Variants in TRPV1 observed in about 807,000 individuals in gnomAD.
TRPV1 encodes the protein transient receptor potential cation channel subfamily V member 1, also known as OTRPC1.
TRPV1 carries 82 observed loss-of-function variants against 82.3 expected under a neutral mutation model. The observed-to-expected ratio is 1.00, with a 90% CI of 0.83 to 1.20. TRPV1 has a LOEUF of 1.20. Among genes scored for constraint, TRPV1 ranks in the 50% most tolerant of loss-of-function variants. The pLI, the probability that TRPV1 is intolerant of heterozygous loss-of-function variation, is 0.00. For missense variants in TRPV1, 1,067 were observed against 1,096.8 expected, an observed-to-expected ratio of 0.97 and a Z score of 0.38; for synonymous variants, 515 against 467.7, an observed-to-expected ratio of 1.10 and a Z score of -1.30.
At chr17:3,574,764 C>A (rs1052239719) in intron 13 of TRPV1, among the ~76,000 whole-genome samples, 1 of 151,968 alleles carries the variant, frequency 6.6e-6, no homozygotes, top group African/African-American at 2.4e-5. Context: ...GCCTGGCCAA[C>A]AGGGTGAAAC....
At chr17:3,584,150 A>G (rs1211034906) in intron 9 of TRPV1, among the ~76,000 whole-genome samples, 1 of 152,028 alleles carries the variant, frequency 6.6e-6, no homozygotes, top group Non-Finnish European at 1.5e-5. Flanking sequence ...CATGGCTGTA[A>G]TCCCAGCTAC....
In TRPV1 at chr17:3,566,341, A is replaced by G. The variant is rs2074762989; in HGVS notation, c.*474T>C. 1 of 152,510 alleles carries G rather than the reference A, an allele frequency of 6.6e-6. No homozygotes were observed. The highest frequency in any genetic ancestry group is 2.4e-5 in the African/African-American group (1 of 41,396). The allele number at this position is 152,510 out of a possible 1,614,324, so 9.4% of individuals were successfully genotyped here. On this transcript the variant is annotated 3_prime_UTR_variant, in exon 17 of 17. Coordinates refer to ENST00000572705, the MANE Select transcript of TRPV1 (RefSeq NM_080704.4). ...CCCCATATCTATTAAAAAAATACAA[A>G]AAATTAGCCAGACATGGTGGCACGT...
rs549778840 is a variant in TRPV1 at position 3,585,725 on chromosome 17, C to G, written c.1383+43G>C. ...CCGAAATGTCCACACCCCTTCCCCA[C>G]CACCCACACCCTCGCCCACGAGGCC... On this transcript the variant is annotated intron_variant, in intron 9 of 16. Transcript: ENST00000572705. 10 of 1,591,198 alleles carry G rather than the reference C, an allele frequency of 6.3e-6. No individual in the cohort carries two copies. In the South Asian group the frequency reaches 1.1e-4, roughly 18 times the overall value.
At chr17:3,605,058 A>G (rs1033063904) in intron 2 of TRPV1, among the ~76,000 whole-genome samples, 4 of 152,176 alleles carry the variant, frequency 2.6e-5, no homozygotes, top group Non-Finnish European at 5.9e-5. Context: ...CTTTAATGTA[A>G]ACACATTTAC....
At position 3,588,154 on chromosome 17, in the gene TRPV1, T is replaced by G. The variant is rs201020700; in HGVS notation, c.1224+34A>C. On this transcript the variant is annotated intron_variant, in intron 8 of 16. Coordinates refer to ENST00000572705, the MANE Select transcript of TRPV1 (RefSeq NM_080704.4). Reference sequence around the variant, plus strand: ...GATTGGGGCTTGGGTGCAGAGGCCCTGAGGCCCTCCCTGGCTGTGCCCCAG... The same window carrying G: ...GATTGGGGCTTGGGTGCAGAGGCCCGGAGGCCCTCCCTGGCTGTGCCCCAG... The G allele has an allele frequency of 1.0e-5, 16 of 1,541,520 alleles. No homozygotes were observed. The East Asian group carries it at 2.5e-4, about 24-fold the overall frequency.
chr17:3,603,974 G>A (rs974989270), intron 2 of TRPV1, among the ~76,000 whole-genome samples: 1 of 152,240 alleles, frequency 6.6e-6, no homozygotes, highest in Admixed American at 6.5e-5. Context: ...AGGAAGATGT[G>A]CACAGGCTCT....
chr17:3,586,167 G>A (rs931830114), intron 8 of TRPV1, among the ~76,000 whole-genome samples: 1 of 152,230 alleles, frequency 6.6e-6, no homozygotes, highest in Non-Finnish European at 1.5e-5. Context: ...AGTGAATGGG[G>A]TGAAACTGGA....
In TRPV1 at chr17:3,572,030, C is replaced by A; in HGVS notation, c.2231+92G>T. ...TGGGAGAGCCCCCTGTGCTCATGACCAGCCCCTCATGGAGGCCCTGAGGCA... is the reference window on the plus strand; with the variant it reads ...TGGGAGAGCCCCCTGTGCTCATGACAAGCCCCTCATGGAGGCCCTGAGGCA... On this transcript the variant is annotated intron_variant, in intron 15 of 16. Transcript: ENST00000572705. The A allele has an allele frequency of 8.7e-6, 13 of 1,502,622 alleles. No homozygotes were observed. The South Asian group carries it at 1.5e-4, about 17-fold the overall frequency. The allele number at this position is 1,502,622 out of a possible 1,614,324, so 93.1% of individuals were successfully genotyped here. A position where few individuals can be genotyped will look rare whatever the true frequency, so the allele number is the denominator to read the frequency against.
chr17:3,580,028 G>A (rs964960252), intron 11 of TRPV1, among the ~76,000 whole-genome samples: 7 of 39,232 alleles, frequency 1.8e-4, no homozygotes, highest in African/African-American at 3.0e-4. Flanking sequence ...GGCAGCCCCC[G>A]CCCCGCCCCG....
At chr17:3,580,284 G>T (rs1208018494) in intron 11 of TRPV1, among the ~76,000 whole-genome samples, 173 bp downstream of exon 11, 1 of 152,170 alleles carries the variant, frequency 6.6e-6, no homozygotes, top group East Asian at 1.9e-4. Flanking sequence ...GCACAGAGCA[G>T]GCCCTCAGTA....
chr17:3,590,904 T>A, intron 5 of TRPV1, 60 bp downstream of exon 5: 2 of 1,473,126 alleles, frequency 1.4e-6, no homozygotes, highest in Non-Finnish European at 1.8e-6. Flanking sequence ...GGGACAACCA[T>A]GCCCCCCTGC....
rs183832159 is a variant in TRPV1 at position 3,577,117 on chromosome 17, G to A, written c.1780+9C>T. On this transcript the variant is annotated intron_variant, in intron 13 of 16. Transcript: ENST00000572705. ...CCTGCCCTCCCCCAGCGCTGACCAAGCTCATTACCTGTGGAAAACCCGAAC... is the reference window on the plus strand; with the variant it reads ...CCTGCCCTCCCCCAGCGCTGACCAAACTCATTACCTGTGGAAAACCCGAAC... The A allele has an allele frequency of 2.9e-5, 46 of 1,579,486 alleles. No individual in the cohort carries two copies. The African/African-American group carries it at 5.1e-4, about 18-fold the overall frequency.
chr17:3,582,959 A>G (rs1454726010), intron 10 of TRPV1, among the ~76,000 whole-genome samples: 1 of 152,052 alleles, frequency 6.6e-6, no homozygotes, highest in Non-Finnish European at 1.5e-5. Context: ...AAAAAAAAAA[A>G]AAAGATTCCA....
In TRPV1 at chr17:3,600,315, C is replaced by T. The variant is rs547003111; in HGVS notation, c.-33-7932G>A. On this transcript the variant is annotated intron_variant, in intron 2 of 16. Transcript: ENST00000572705. ...AATAAAGACAGCACGGAGCCGGGCA[C>T]GGTGGCTCAAGCCTGTAATCCTAGC... Among the ~76,000 whole-genome samples the T allele has an allele frequency of 3.6e-4, 55 of 152,306 alleles. No individual in the cohort carries two copies. The South Asian group carries it at 4.1e-3, about 11-fold the overall frequency.
chr17:3,575,634 T>A (rs552535969), intron 13 of TRPV1, among the ~76,000 whole-genome samples: 1 of 152,094 alleles, frequency 6.6e-6, no homozygotes, highest in East Asian at 1.9e-4. Context: ...AAAGTATCCA[T>A]CACAAAGGTA....
At chr17:3,574,168 C>G (rs764415740) in intron 13 of TRPV1, among the ~76,000 whole-genome samples, 2 of 152,188 alleles carry the variant, frequency 1.3e-5, no homozygotes, top group African/African-American at 2.4e-5. Flanking sequence ...ATATAAGTCT[C>G]TATGTGCAAT....
intron 2 of TRPV1, among the ~76,000 whole-genome samples, chr17:3,594,239 G>A (rs546785194): frequency 3.1e-4 from 47 of 151,278 alleles, no homozygotes; most frequent in Admixed American, 7.2e-4. Flanking sequence ...TCCATAGGAA[G>A]TTAGGGAGAT....
intron 7 of TRPV1, 117 bp from the exon 8 acceptor site, chr17:3,588,484 G>C (rs994019983): frequency 2.5e-6 from 3 of 1,193,522 alleles, no homozygotes; most frequent in Admixed American, 4.7e-5. Context: ...AGCCCCAGGC[G>C]AGTCCCCACC....
At chr17:3,570,702 C>T (rs2074840809) in intron 16 of TRPV1, among the ~76,000 whole-genome samples, 1 of 152,080 alleles carries the variant, frequency 6.6e-6, no homozygotes, top group Non-Finnish European at 1.5e-5. Flanking sequence ...AGTAATTTTT[C>T]TCAGGGTTTT....
Sources: gnomAD v4.1 joint callset for allele counts (sites outside exome capture counted in the v4.1 genomes callset) on GRCh38, gnomAD v4.1.1 for gene constraint, MANE v1.5 for transcripts, NCBI Gene and HGNC (gene_info 2026-07-23, HGNC 2026-07-21) for gene names.